Variants in FGF10 observed in about 807,000 individuals in gnomAD.
FGF10 encodes FGF-10.
FGF10 carries 2 observed loss-of-function variants against 19.8 expected under a neutral mutation model. That is an observed-to-expected ratio of 0.10 (90% CI 0.04 to 0.32). The LOEUF is 0.32. FGF10 is among the 10% of genes least tolerant of loss of function. The pLI is 1.00. For synonymous variants in FGF10, 112 were observed against 94.0 expected (o/e 1.19, Z -1.10); for missense variants, 191 against 246.3 (o/e 0.78, Z 1.50).
chr5:44,337,095 G>A (rs1740870745), intron 1 of FGF10, among the ~76,000 whole-genome samples: 1 of 151,866 alleles, frequency 6.6e-6, no homozygotes, highest in South Asian at 2.1e-4. Context: ...CCAAAAATAG[G>A]CTTTAACATC....
chr5:44,371,742 C>A (rs550429504), intron 1 of FGF10, among the ~76,000 whole-genome samples: 5 of 152,248 alleles, frequency 3.3e-5, no homozygotes, highest in Non-Finnish European at 7.4e-5. Context: ...ATATAGTCAA[C>A]TAAATTTGTT....
chr5:44,327,554 A>G (rs958625603), intron 1 of FGF10, among the ~76,000 whole-genome samples: 1 of 152,186 alleles, frequency 6.6e-6, no homozygotes, highest in African/African-American at 2.4e-5. Flanking sequence ...ATGTTAAGGT[A>G]ATAAGGTCCA....
intron 2 of FGF10, among the ~76,000 whole-genome samples, chr5:44,306,011 T>C (rs140345162): frequency 6.6e-6 from 1 of 152,310 alleles, no homozygotes; most frequent in African/African-American, 2.4e-5. Context: ...GAGACATTCC[T>C]GGACAAGGCT....
chr5:44,372,370 G>C (rs1312138611), intron 1 of FGF10, among the ~76,000 whole-genome samples: 1 of 152,002 alleles, frequency 6.6e-6, no homozygotes, highest in East Asian at 1.9e-4. Flanking sequence ...CTCTTATAAG[G>C]ACATTTGTCA....
intron 1 of FGF10, among the ~76,000 whole-genome samples, chr5:44,368,761 G>A (rs775142319): frequency 1.3e-5 from 2 of 152,056 alleles, no homozygotes; most frequent in African/African-American, 2.4e-5. Flanking sequence ...CTCATCCTAA[G>A]TGAAAGGGAT....
At chr5:44,336,677 C>T (rs1171560353) in intron 1 of FGF10, among the ~76,000 whole-genome samples, 1 of 152,102 alleles carries the variant, frequency 6.6e-6, no homozygotes, top group East Asian at 1.9e-4. Flanking sequence ...CCAGTTTTTT[C>T]ATCTGTAATA....
At chr5:44,338,541 T>A (rs1740900776) in intron 1 of FGF10, among the ~76,000 whole-genome samples, 1 of 152,168 alleles carries the variant, frequency 6.6e-6, no homozygotes, top group Admixed American at 6.6e-5. Flanking sequence ...GACAAAAGCA[T>A]CCGTCCAGCA....
chr5:44,351,384 A>G (rs972892992), intron 1 of FGF10, among the ~76,000 whole-genome samples: 2 of 151,626 alleles, frequency 1.3e-5, no homozygotes, highest in African/African-American at 4.8e-5. Context: ...GATTATATTG[A>G]GATGTCCTAT....
intron 1 of FGF10, among the ~76,000 whole-genome samples, chr5:44,380,184 C>G (rs748579498): frequency 6.6e-6 from 1 of 152,072 alleles, no homozygotes; most frequent in East Asian, 1.9e-4. Context: ...ACCATTTACC[C>G]CATGTTACAG....
At chr5:44,348,101 G>T (rs928573364) in intron 1 of FGF10, among the ~76,000 whole-genome samples, 1 of 151,566 alleles carries the variant, frequency 6.6e-6, no homozygotes, top group African/African-American at 2.4e-5. Context: ...AAGCTCCTGA[G>T]GATTCTACCT....
At chr5:44,344,985 A>G (rs146444105) in intron 1 of FGF10, among the ~76,000 whole-genome samples, 15 of 151,948 alleles carry the variant, frequency 9.9e-5, no homozygotes, top group African/African-American at 3.6e-4. Flanking sequence ...TGCCTAAAAA[A>G]CTTTAGTTAT....
At chr5:44,310,570 A>G (rs908814240) in intron 1 of FGF10, 40 bp from the exon 2 acceptor site, 4 of 1,402,054 alleles carry the variant, frequency 2.9e-6, no homozygotes, top group Non-Finnish European at 3.0e-6. Flanking sequence ...AAAGAATCCT[A>G]AATATATTTG....
chr5:44,386,587 T>C (rs1742102328), intron 1 of FGF10, among the ~76,000 whole-genome samples: 1 of 152,174 alleles, frequency 6.6e-6, no homozygotes. Flanking sequence ...AAAGGTTATA[T>C]ACATAGGATC....
chr5:44,351,511 T>A (rs1741232935), intron 1 of FGF10, among the ~76,000 whole-genome samples: 1 of 151,594 alleles, frequency 6.6e-6, no homozygotes, highest in Admixed American at 6.6e-5. Context: ...TTGAGAACTA[T>A]AAGTAAAACT....
chr5:44,361,767 T>C lies in FGF10; in HGVS notation c.325+26591A>G, dbSNP rs190583337. 3.2e-3 allele frequency among the ~76,000 whole-genome samples: 484 copies of C among 151,810 alleles called. 3 individuals are homozygous for C. Among genetic ancestry groups the C allele is most frequent in the Non-Finnish European group, 4.3e-3 (293 of 67,756 alleles). On this transcript the variant is annotated intron_variant, in intron 1 of 2. Coordinates refer to ENST00000264664, the MANE Select transcript of FGF10 (RefSeq NM_004465.2). ...TCTGCATTTGCTATTTTCTGTAAGT[T>C]TGCTTGAAAATTTTCCCTGATTTTG...
chr5:44,379,085 G>A (rs1741932733), intron 1 of FGF10, among the ~76,000 whole-genome samples: 2 of 152,146 alleles, frequency 1.3e-5, no homozygotes, highest in African/African-American at 2.4e-5. Flanking sequence ...GCTCTTTGGG[G>A]TAGTTCCCTT....
At chr5:44,365,312 C>G (rs73752011) in intron 1 of FGF10, among the ~76,000 whole-genome samples, 2 of 140,884 alleles carry the variant, frequency 1.4e-5, no homozygotes, top group Non-Finnish European at 3.0e-5. Context: ...CTCCTCATGT[C>G]TCTTTTCTGG....
At chr5:44,381,084 T>G (rs2111918681) in intron 1 of FGF10, among the ~76,000 whole-genome samples, 1 of 151,836 alleles carries the variant, frequency 6.6e-6, no homozygotes, top group East Asian at 1.9e-4. Flanking sequence ...GCAGGAAGAG[T>G]TATTGGGAGC....
In FGF10 at chr5:44,304,861, G is replaced by T; in HGVS notation, c.*134C>A. ...AGCAGTGAATACAAAAACCTTCAAA[G>T]GCTGGCTTTCTTTTAAGCAAGCAGA... On this transcript the variant is annotated 3_prime_UTR_variant, in exon 3 of 3. Coordinates refer to ENST00000264664, the MANE Select transcript of FGF10 (RefSeq NM_004465.2). The T allele has an allele frequency of 1.2e-6, 1 of 846,098 alleles. No homozygotes were observed. The highest frequency in any genetic ancestry group is 2.0e-6 in the Non-Finnish European group (1 of 502,464). 52.4% of individuals were successfully genotyped at this position (846,098 alleles called of 1,614,324 possible).
Sources: allele counts gnomAD v4.1 joint callset (sites outside exome capture counted in the v4.1 genomes callset), GRCh38; gene constraint gnomAD v4.1.1; transcripts MANE v1.5; gene names NCBI Gene and HGNC (gene_info 2026-07-23, HGNC 2026-07-21).